The following DEPTOR variants were observed in gnomAD, a reference collection of about 807,000 sequenced individuals.
DEPTOR encodes the protein DEP domain-containing mTOR-interacting protein.
In DEPTOR, 41 loss-of-function variants were observed where a neutral mutation model predicts 41.6. The ratio of observed to expected loss-of-function variants is 0.98; its 90% CI spans 0.77 to 1.28. The LOEUF (loss-of-function observed/expected upper bound fraction) is 1.28. DEPTOR is among the 50% of genes most tolerant of loss of function. The pLI is 0.00. For missense variants in DEPTOR, 514 were observed against 527.9 expected, an observed-to-expected ratio of 0.97 and a Z score of 0.26; for synonymous variants, 195 against 192.3, an observed-to-expected ratio of 1.01 and a Z score of -0.12.
chr8:119,885,297 G>T (rs1214744145), intron 1 of DEPTOR, among the ~76,000 whole-genome samples: 1 of 152,166 alleles, frequency 6.6e-6, no homozygotes, highest in African/African-American at 2.4e-5. Flanking sequence ...ATTGAAGTGT[G>T]AAATGCCCCT....
At chr8:119,929,677 T>C in intron 2 of DEPTOR, 138 bp from the exon 3 acceptor site, 1 of 1,154,536 alleles carries the variant, frequency 8.7e-7, no homozygotes, top group Non-Finnish European at 1.2e-6. Flanking sequence ...TTACAAGTAT[T>C]AGCTCATATG....
At chr8:119,937,544 G>T (rs982543106) in intron 3 of DEPTOR, among the ~76,000 whole-genome samples, 1 of 152,158 alleles carries the variant, frequency 6.6e-6, no homozygotes, top group African/African-American at 2.4e-5. Context: ...CAATGTGAGT[G>T]GGTTAAAGTT....
At chr8:119,984,522 G>T (rs1405105184) in intron 4 of DEPTOR, among the ~76,000 whole-genome samples, 2 of 152,028 alleles carry the variant, frequency 1.3e-5, no homozygotes, top group Admixed American at 6.5e-5. Flanking sequence ...TGCAGTGTTT[G>T]GTTTTCTGTT....
chr8:119,951,057 A>G (rs919321601), intron 3 of DEPTOR, among the ~76,000 whole-genome samples: 5 of 129,774 alleles, frequency 3.9e-5, no homozygotes, highest in Non-Finnish European at 8.4e-5. Flanking sequence ...ACACTATCTA[A>G]TATACACACA....
At chr8:119,974,074 GA>G (rs1271343727) in intron 4 of DEPTOR, among the ~76,000 whole-genome samples, 1 of 151,700 alleles carries the variant, frequency 6.6e-6, no homozygotes, top group Non-Finnish European at 1.5e-5. Context: ...AAGGAAAGGG[GA>G]AAAAGGGGAA....
chr8:119,873,792 C>A lies in DEPTOR; in HGVS notation c.-55C>A. 1 of 1,600,712 alleles carries A rather than the reference C, an allele frequency of 6.2e-7. No individual in the cohort carries two copies. ...GTCTGTGAGGGCAGACTGATCCGAG[C>A]ACCCAAACCCTCGGCGGACAGCGGA... On this transcript the variant is annotated 5_prime_UTR_variant, in exon 1 of 9. Transcript: ENST00000286234.
chr8:120,044,695 C>T (rs752043737), intron 8 of DEPTOR, among the ~76,000 whole-genome samples: 1 of 152,094 alleles, frequency 6.6e-6, no homozygotes, highest in Non-Finnish European at 1.5e-5. Context: ...GCTGGATAAC[C>T]AAAAACCAAC....
chr8:120,011,753 CTAACTCTTTAACG>C (rs1812533926), intron 8 of DEPTOR, among the ~76,000 whole-genome samples: 2 of 152,182 alleles, frequency 1.3e-5, no homozygotes, highest in Non-Finnish European at 2.9e-5. Context: ...AACTCATTAA[CTAACTCTTTAACG>C]TATATTCCCT....
At chr8:119,999,694 A>G (rs942510475) in intron 4 of DEPTOR, among the ~76,000 whole-genome samples, 5 of 152,258 alleles carry the variant, frequency 3.3e-5, no homozygotes, top group African/African-American at 1.2e-4. Flanking sequence ...TTGGGTAACC[A>G]TTTATTTATG....
chr8:120,007,972 T>C (rs1563590328), intron 7 of DEPTOR, among the ~76,000 whole-genome samples: 3 of 152,332 alleles, frequency 2.0e-5, no homozygotes, highest in African/African-American at 7.2e-5. Context: ...TGATTTTTAA[T>C]TTAAATGCCA....
chr8:120,019,638 G>A (rs1278278925), intron 8 of DEPTOR, among the ~76,000 whole-genome samples: 1 of 152,158 alleles, frequency 6.6e-6, no homozygotes, highest in Non-Finnish European at 1.5e-5. Context: ...TCATAGGGTT[G>A]GTGAAGGATT....
intron 3 of DEPTOR, among the ~76,000 whole-genome samples, chr8:119,936,840 C>A (rs113271695): frequency 0.016 from 2,376 of 151,566 alleles, 65 homozygotes; most frequent in African/African-American, 0.055. Flanking sequence ...CCTGGCCAAC[C>A]TGGTGAAACC....
chr8:119,993,302 T>C (rs1812203853), intron 4 of DEPTOR, among the ~76,000 whole-genome samples: 1 of 152,208 alleles, frequency 6.6e-6, no homozygotes, highest in African/African-American at 2.4e-5. Flanking sequence ...GTTCCAACTT[T>C]CCTAAACAGA....
At chr8:119,967,731 G>A (rs1828581264) in intron 4 of DEPTOR, among the ~76,000 whole-genome samples, 2 of 148,160 alleles carry the variant, frequency 1.3e-5, no homozygotes, top group Admixed American at 1.4e-4. Context: ...TCCAACCTGG[G>A]TGGCAGAGCA....
At chr8:119,954,558 C>T (rs1828393773) in intron 3 of DEPTOR, among the ~76,000 whole-genome samples, 1 of 152,090 alleles carries the variant, frequency 6.6e-6, no homozygotes, top group Admixed American at 6.6e-5. Flanking sequence ...ATTTTGTCTC[C>T]CTCCCTGGCT....
intron 3 of DEPTOR, among the ~76,000 whole-genome samples, chr8:119,959,136 A>C (rs1406708549): frequency 7.6e-6 from 1 of 131,532 alleles, no homozygotes. Context: ...CCTGTTGGCT[A>C]TTTCTTTTTC....
intron 1 of DEPTOR, among the ~76,000 whole-genome samples, chr8:119,918,563 T>C (rs7459886): frequency 0.72 from 108,760 of 151,454 alleles, 39,468 homozygotes; most frequent in East Asian, 0.95. Flanking sequence ...TGGGTTCAAG[T>C]GATTCTCCTG....
rs1459510419 is a variant in DEPTOR, at chr8:119,873,984, C to T, written c.122+16C>T. On this transcript the variant is annotated intron_variant, in intron 1 of 8. Transcript: ENST00000286234. ...AACAGCTACGGTAAGGCAAGAGACA[C>T]AGCGGGTGAGCTCACGATGGCACTG... 6.2e-7 allele frequency: 1 copy of T among 1,612,974 alleles called. No individual in the cohort carries two copies. The highest frequency in any genetic ancestry group is 1.3e-5 in the African/African-American group (1 of 74,954).
chr8:120,002,808 A>ATG (rs1812373503), intron 5 of DEPTOR, among the ~76,000 whole-genome samples, 169 bp from the exon 6 acceptor site: 1 of 138,052 alleles, frequency 7.2e-6, no homozygotes, highest in Non-Finnish European at 1.5e-5. Flanking sequence ...ATATATATAT[A>ATG]TATAATATAA....
Sources: gnomAD v4.1 joint callset for allele counts (sites outside exome capture counted in the v4.1 genomes callset) on GRCh38, gnomAD v4.1.1 for gene constraint, MANE v1.5 for transcripts, NCBI Gene and HGNC (gene_info 2026-07-23, HGNC 2026-07-21) for gene names.